Variants in RREB1 observed in about 807,000 individuals in gnomAD.
RREB1 encodes the protein ras responsive element binding protein 1, also known as ras-responsive element-binding protein 1.
Under a neutral mutation model 117.8 loss-of-function variants are expected in RREB1, and 27 were observed. The ratio of observed to expected loss-of-function variants is 0.23; its 90% CI spans 0.17 to 0.32. The LOEUF is 0.32. Ranked by LOEUF, RREB1 falls within the 10% of genes least tolerant of loss-of-function variation. The pLI is 1.00. For missense variants in RREB1, 2,577 were observed against 2,378.2 expected (o/e 1.08, Z -1.74); for synonymous variants, 1,298 against 1,026.7 (o/e 1.26, Z -5.05).
intron 2 of RREB1, among the ~76,000 whole-genome samples, chr6:7,178,045 A>G (rs1006888717): frequency 6.6e-6 from 1 of 152,094 alleles, no homozygotes; most frequent in African/African-American, 2.4e-5. Context: ...TATTTTGTAT[A>G]GGTGGGGTCT....
intron 9 of RREB1, among the ~76,000 whole-genome samples, chr6:7,227,116 C>T (rs1317243138): frequency 1.3e-5 from 2 of 152,230 alleles, no homozygotes; most frequent in East Asian, 3.9e-4. Flanking sequence ...TGGTGTGCAC[C>T]TAGTAGTCCC....
chr6:7,200,244 A>ATGTG (rs70978945), intron 6 of RREB1, among the ~76,000 whole-genome samples: 2,741 of 129,330 alleles, frequency 0.021, 34 homozygotes, highest in South Asian at 0.034. Context: ...ATGTGTGTAT[A>ATGTG]TGTGTGTGTG....
intron 1 of RREB1, among the ~76,000 whole-genome samples, chr6:7,167,142 C>G (rs547124385): frequency 1.3e-5 from 2 of 152,190 alleles, no homozygotes; most frequent in Admixed American, 1.3e-4. Context: ...CTGTGGCAGC[C>G]AGTAGTGTGT....
At chr6:7,147,169 G>C (rs1581449473) in intron 1 of RREB1, among the ~76,000 whole-genome samples, 2 of 152,284 alleles carry the variant, frequency 1.3e-5, no homozygotes, top group African/African-American at 4.8e-5. Context: ...TTCACCTTCA[G>C]ACTGCCAGGG....
At chr6:7,165,400 A>T (rs1763883609) in intron 1 of RREB1, among the ~76,000 whole-genome samples, 1 of 152,266 alleles carries the variant, frequency 6.6e-6, no homozygotes, top group Admixed American at 6.5e-5. Flanking sequence ...TGTCACATGC[A>T]TTCAAGTAAA....
intron 8 of RREB1, among the ~76,000 whole-genome samples, chr6:7,221,222 G>A (rs954141350): frequency 6.6e-5 from 10 of 151,574 alleles, no homozygotes; most frequent in African/African-American, 2.4e-4. Context: ...ACTGCGGACT[G>A]CAGTGGCGCA....
chr6:7,161,895 T>C (rs958053421), intron 1 of RREB1, among the ~76,000 whole-genome samples: 2 of 152,210 alleles, frequency 1.3e-5, no homozygotes, highest in African/African-American at 4.8e-5. Context: ...TGTCCATTTT[T>C]AAATCTGCTA....
At chr6:7,170,588 G>A (rs1437300352) in intron 1 of RREB1, among the ~76,000 whole-genome samples, 1 of 152,238 alleles carries the variant, frequency 6.6e-6, no homozygotes, top group Non-Finnish European at 1.5e-5. Context: ...AGGCCATGTG[G>A]TTTTGCCAGC....
chr6:7,166,596 C>G (rs113824082), intron 1 of RREB1, among the ~76,000 whole-genome samples: 1,611 of 152,302 alleles, frequency 0.011, 15 homozygotes, highest in Non-Finnish European at 0.016. Context: ...TTGACCACAG[C>G]TGACCACTTT....
In RREB1 at chr6:7,246,418, C is replaced by T; in HGVS notation, c.3974-6C>T. 4 of 1,474,928 alleles carry T rather than the reference C, an allele frequency of 2.7e-6. No individual in the cohort carries two copies. Among genetic ancestry groups the T allele is most frequent in the Non-Finnish European group, 3.6e-6 (4 of 1,110,000 alleles). The allele number at this position is 1,474,928 out of a possible 1,614,324, so 91.4% of individuals were successfully genotyped here. ...CTGAGCCCTCCCCGCTGTGCTTGCCCCACAGACAGTCAGTCGGATGCGGAG... is the reference window on the plus strand; with the variant it reads ...CTGAGCCCTCCCCGCTGTGCTTGCCTCACAGACAGTCAGTCGGATGCGGAG... On this transcript the variant is annotated splice_region_variant and splice_polypyrimidine_tract_variant and intron_variant, in intron 11 of 12. Transcript: ENST00000379938.
chr6:7,228,347 C>A (rs966652274), intron 9 of RREB1, among the ~76,000 whole-genome samples: 1 of 151,952 alleles, frequency 6.6e-6, no homozygotes, highest in African/African-American at 2.4e-5. Flanking sequence ...TTAATTCTAC[C>A]CTTGTGGTAT....
At chr6:7,143,561 G>C (rs1762720412) in intron 1 of RREB1, among the ~76,000 whole-genome samples, 1 of 152,186 alleles carries the variant, frequency 6.6e-6, no homozygotes, top group African/African-American at 2.4e-5. Context: ...TGTTGGAAGA[G>C]AGTAAATGGT....
rs1405348950 is a variant in RREB1 at position 7,248,268 on chromosome 6, G to GCTTCTGGGACCTGGGTTT, written c.4772-243_4772-242insCTTCTGGGACCTGGGTTT. Among the ~76,000 whole-genome samples, 10 of 152,356 alleles carry GCTTCTGGGACCTGGGTTT rather than the reference G, an allele frequency of 6.6e-5. No homozygotes were observed. The South Asian group carries it at 1.2e-3, about 19-fold the overall frequency. On this transcript the variant is annotated intron_variant, in intron 12 of 12. Transcript: ENST00000379938. ...TCTGGGACCTGGGTTTTCTGGATCA[G>GCTTCTGGGACCTGGGTTT]TATGTAGAGTGCCTGGGCTGAGAGA...
In RREB1 at chr6:7,249,109, C is replaced by T. The variant is rs1769298332; in HGVS notation, c.*141C>T. The T allele has an allele frequency of 1.4e-6, 1 of 715,134 alleles. No individual in the cohort carries two copies. The highest frequency in any genetic ancestry group is 1.9e-5 in the African/African-American group (1 of 53,840). The allele number at this position is 715,134 out of a possible 1,614,324, so 44.3% of individuals were successfully genotyped here. On this transcript the variant is annotated 3_prime_UTR_variant, in exon 13 of 13. Transcript: ENST00000379938. ...AGAGAGAGAGAGAGAGAGAGACAAG[C>T]AGGAGCGTGGCTGCTCGCTCAGTGC...
intron 6 of RREB1, among the ~76,000 whole-genome samples, chr6:7,209,247 C>T (rs1226881812): frequency 2.6e-5 from 4 of 151,946 alleles, no homozygotes; most frequent in South Asian, 2.1e-4. Flanking sequence ...TAGAAAAGGG[C>T]GTGGATTTTG....
intron 1 of RREB1, among the ~76,000 whole-genome samples, chr6:7,117,940 T>A (rs1388441568): frequency 6.6e-6 from 1 of 152,162 alleles, no homozygotes; most frequent in East Asian, 1.9e-4. Context: ...TTCTTGGTAT[T>A]TTTTATACAA....
chr6:7,236,949 C>T (rs1246329801), intron 10 of RREB1, among the ~76,000 whole-genome samples: 1 of 126,120 alleles, frequency 7.9e-6, no homozygotes, highest in Non-Finnish European at 1.6e-5. Flanking sequence ...AGCTAGAGTG[C>T]CTGTGTGCAC....
rs539026369 is a variant in RREB1 at position 7,177,778 on chromosome 6, A to G, written c.-166+1005A>G. Among the ~76,000 whole-genome samples, 5 of 152,118 alleles carry G rather than the reference A, an allele frequency of 3.3e-5. No homozygotes were observed. In the East Asian group the frequency reaches 9.7e-4, roughly 29 times the overall value. ...TGCTCTGTCACCCAGGCTGGAGTGT[A>G]ATGGGGCTATCTCAGCTCACTGCAA... On this transcript the variant is annotated intron_variant, in intron 2 of 12. Coordinates refer to ENST00000379938, the MANE Select transcript of RREB1 (RefSeq NM_001003699.4).
At chr6:7,202,134 C>T (rs1003257973) in intron 6 of RREB1, among the ~76,000 whole-genome samples, 1 of 152,164 alleles carries the variant, frequency 6.6e-6, no homozygotes, top group Non-Finnish European at 1.5e-5. Context: ...ACACAACATC[C>T]CCAGAGTGGG....
Sources: allele counts gnomAD v4.1 joint callset (sites outside exome capture counted in the v4.1 genomes callset), GRCh38; gene constraint gnomAD v4.1.1; transcripts MANE v1.5; gene names NCBI Gene and HGNC (gene_info 2026-07-23, HGNC 2026-07-21).